Variants in VWA8 observed in about 807,000 individuals in gnomAD.
VWA8 encodes the protein von Willebrand factor A domain-containing protein 8.
Under a neutral mutation model 241.5 loss-of-function variants are expected in VWA8, and 221 were observed. The ratio of observed to expected loss-of-function variants is 0.91; its 90% CI spans 0.82 to 1.02. The LOEUF is 1.02. Ranked by LOEUF, VWA8 falls within the 50% of genes least tolerant of loss-of-function variation. The probability of loss-of-function intolerance (pLI) is 0.00; values close to 1 mark genes in which losing one functional copy is unlikely to be tolerated. For synonymous variants in VWA8, 852 were observed against 827.1 expected, an observed-to-expected ratio of 1.03 and a Z score of -0.52; for missense variants, 2,322 against 2,328.7, an observed-to-expected ratio of 1.00 and a Z score of 0.06.
chr13:41,783,938 C>A, intron 18 of VWA8, 37 bp from the exon 19 acceptor site: 1 of 1,544,626 alleles, frequency 6.5e-7, no homozygotes, highest in Non-Finnish European at 8.9e-7. Flanking sequence ...TTATTCATAG[C>A]ACTGTCCTCA....
At chr13:41,917,476 A>G (rs1224776460) in intron 2 of VWA8, among the ~76,000 whole-genome samples, 3 of 152,174 alleles carry the variant, frequency 2.0e-5, no homozygotes, top group African/African-American at 7.2e-5. Context: ...GAACACGCAG[A>G]TTTGTAGTTT....
At chr13:41,667,683 G>A (rs1287030097) in intron 37 of VWA8, among the ~76,000 whole-genome samples, 1 of 151,950 alleles carries the variant, frequency 6.6e-6, no homozygotes, top group Admixed American at 6.6e-5. Context: ...CTGTGGTATA[G>A]CTTTAACAGC....
intron 14 of VWA8, among the ~76,000 whole-genome samples, chr13:41,826,731 G>A (rs1231712187): frequency 2.0e-5 from 3 of 151,866 alleles, no homozygotes; most frequent in Non-Finnish European, 4.4e-5. Flanking sequence ...AAAACAAAAC[G>A]GGTGTGGCGA....
chr13:41,761,403 GTA>G (rs934277576), intron 20 of VWA8, among the ~76,000 whole-genome samples, 199 bp from the exon 21 acceptor site: 1 of 151,862 alleles, frequency 6.6e-6, no homozygotes, highest in Non-Finnish European at 1.5e-5. Flanking sequence ...ATTTCTAAAC[GTA>G]CTAGTTCTAA....
At chr13:41,763,103 A>C (rs1418341432) in intron 20 of VWA8, among the ~76,000 whole-genome samples, 2 of 151,936 alleles carry the variant, frequency 1.3e-5, no homozygotes, top group Non-Finnish European at 2.9e-5. Context: ...CCTCATCTCT[A>C]TAAAAACAAA....
At chr13:41,739,154 T>C (rs2045547578) in intron 21 of VWA8, among the ~76,000 whole-genome samples, 1 of 152,180 alleles carries the variant, frequency 6.6e-6, no homozygotes, top group East Asian at 1.9e-4. Flanking sequence ...TCTTGAAGAC[T>C]TCAAATTCAT....
chr13:41,709,978 A>G (rs2045306239), intron 26 of VWA8, among the ~76,000 whole-genome samples: 1 of 151,738 alleles, frequency 6.6e-6, no homozygotes, highest in Non-Finnish European at 1.5e-5. Context: ...CAGCTTTCCC[A>G]ATTAATTGTG....
intron 17 of VWA8, 70 bp from the exon 18 acceptor site, chr13:41,787,613 C>T (rs1869264636): frequency 2.7e-6 from 2 of 740,734 alleles, no homozygotes; most frequent in Non-Finnish European, 2.4e-6. Context: ...TAAATACACA[C>T]ACACACACAC....
chr13:41,637,463 A>G (rs1038411201), intron 37 of VWA8, among the ~76,000 whole-genome samples: 1 of 151,326 alleles, frequency 6.6e-6, no homozygotes, highest in African/African-American at 2.4e-5. Flanking sequence ...ACCTAATGCT[A>G]AATGACGAGT....
At chr13:41,836,296 T>C (rs1158833698) in intron 12 of VWA8, among the ~76,000 whole-genome samples, 1 of 152,194 alleles carries the variant, frequency 6.6e-6, no homozygotes. Context: ...AGAGAGGAGA[T>C]GGCAGGATGA....
At chr13:41,939,906 A>G (rs1215524280) in intron 2 of VWA8, among the ~76,000 whole-genome samples, 1 of 152,218 alleles carries the variant, frequency 6.6e-6, no homozygotes, top group Non-Finnish European at 1.5e-5. Flanking sequence ...AAATTTGATA[A>G]AGATAGAAAT....
intron 37 of VWA8, among the ~76,000 whole-genome samples, chr13:41,620,964 C>G (rs532662069): frequency 3.3e-5 from 5 of 152,054 alleles, no homozygotes; most frequent in African/African-American, 4.8e-5. Flanking sequence ...GTGACTGATT[C>G]AATGATTTCA....
chr13:41,878,230 A>G (rs1476861768), intron 9 of VWA8, among the ~76,000 whole-genome samples: 2 of 152,012 alleles, frequency 1.3e-5, no homozygotes, highest in Non-Finnish European at 2.9e-5. Flanking sequence ...ATTTTTTTCC[A>G]AATTCAACAA....
intron 4 of VWA8, among the ~76,000 whole-genome samples, chr13:41,896,951 A>G (rs1875138491): frequency 6.6e-6 from 1 of 152,236 alleles, no homozygotes; most frequent in Admixed American, 6.5e-5. Flanking sequence ...TTATCCAGTC[A>G]TCAAAACACT....
chr13:41,945,270 G>C (rs1031999922), intron 2 of VWA8, among the ~76,000 whole-genome samples: 1 of 151,266 alleles, frequency 6.6e-6, no homozygotes, highest in Non-Finnish European at 1.5e-5. Context: ...AAATAGACTA[G>C]GAACATCACT....
intron 42 of VWA8, among the ~76,000 whole-genome samples, chr13:41,584,586 T>C (rs2044404729): frequency 6.6e-6 from 1 of 152,340 alleles, no homozygotes; most frequent in Middle Eastern, 3.4e-3. Context: ...CTTTCTATGG[T>C]CTTAAATAAA....
chr13:41,833,277 T>C (rs1223950812), intron 13 of VWA8, 94 bp downstream of exon 13: 4 of 1,392,816 alleles, frequency 2.9e-6, no homozygotes, highest in Non-Finnish European at 2.8e-6. Flanking sequence ...CAACCCAGTT[T>C]AAAAAAAAGA....
Position 41,692,989 on chromosome 13 carries a change from C to T in VWA8, c.3565-17G>A. 1 of 1,424,828 alleles carries T rather than the reference C, an allele frequency of 7.0e-7. No individual in the cohort carries two copies. Among genetic ancestry groups the T allele is most frequent in the Non-Finnish European group, 9.7e-7 (1 of 1,034,896 alleles). 88.3% of individuals were successfully genotyped at this position (1,424,828 alleles called of 1,614,324 possible). A position where few individuals can be genotyped will look rare whatever the true frequency, so the allele number is the denominator to read the frequency against. On this transcript the variant is annotated splice_polypyrimidine_tract_variant and intron_variant, in intron 29 of 44. Transcript: ENST00000379310. ...AACATTACTCTGCAAATGATAAAAA[C>T]AGTGAAAAGCTCAAGATTTGTTCTT...
chr13:41,646,366 G>C (rs368539380), intron 37 of VWA8, among the ~76,000 whole-genome samples: 1 of 152,264 alleles, frequency 6.6e-6, no homozygotes, highest in East Asian at 1.9e-4. Flanking sequence ...GATGAGTGAC[G>C]ACCACGTGCC....
Sources: gnomAD v4.1 joint callset for allele counts (sites outside exome capture counted in the v4.1 genomes callset) on GRCh38, gnomAD v4.1.1 for gene constraint, MANE v1.5 for transcripts, NCBI Gene and HGNC (gene_info 2026-07-23, HGNC 2026-07-21) for gene names.